Variants in AGAP1 observed in about 807,000 individuals in gnomAD.
AGAP1 encodes arf-GAP with GTPase, ANK repeat and PH domain-containing protein 1.
In AGAP1, 29 loss-of-function variants were observed where a neutral mutation model predicts 105.3. That is an observed-to-expected ratio of 0.28 (90% CI 0.21 to 0.38). AGAP1 has a LOEUF of 0.38. Among genes scored for constraint, AGAP1 ranks in the 10% least tolerant of loss-of-function variants. The pLI, the probability that AGAP1 is intolerant of heterozygous loss-of-function variation, is 1.00. For missense variants in AGAP1, 998 were observed against 1,165.1 expected, an observed-to-expected ratio of 0.86 and a Z score of 2.09; for synonymous variants, 509 against 485.9, an observed-to-expected ratio of 1.05 and a Z score of -0.63.
At position 235,977,399 on chromosome 2, in the gene AGAP1, G is replaced by A. The variant is rs1458432308; in HGVS notation, c.1645+8776G>A. 6.6e-6 allele frequency among the ~76,000 whole-genome samples: 1 copy of A among 152,096 alleles called. No individual in the cohort carries two copies. The highest frequency in any genetic ancestry group is 2.4e-5 in the African/African-American group (1 of 41,410). ...TAGCGGCCAGTGCTGTTCAACTTGT[G>A]TCTTCCTTACTATTCTAAATCCTCA... On this transcript the variant is annotated intron_variant, in intron 13 of 17. Coordinates refer to ENST00000304032, the MANE Select transcript of AGAP1 (RefSeq NM_001037131.3). This position sits in a 1 kb window ranked among gnomAD's most constrained non-coding sequence, Gnocchi z 5.2.
At chr2:235,949,773 G>T (rs979600129) in intron 12 of AGAP1, among the ~76,000 whole-genome samples, 1 of 152,140 alleles carries the variant, frequency 6.6e-6, no homozygotes, top group African/African-American at 2.4e-5. Flanking sequence ...AGCTACCCCA[G>T]CCACGCCGCA....
chr2:235,537,013 T>A (rs1425172202), intron 1 of AGAP1, among the ~76,000 whole-genome samples: 1 of 152,146 alleles, frequency 6.6e-6, no homozygotes, highest in East Asian at 1.9e-4. Flanking sequence ...CATTCCTCCC[T>A]AGTGAGGCAG....
At chr2:235,853,838 G>A (rs956418316) in intron 9 of AGAP1, among the ~76,000 whole-genome samples, 9 of 152,006 alleles carry the variant, frequency 5.9e-5, no homozygotes, top group Non-Finnish European at 1.3e-4. Context: ...TTGGTTTTAA[G>A]TGTAGGCTAT....
At chr2:235,496,683 C>G (rs138012707) in intron 1 of AGAP1, among the ~76,000 whole-genome samples, 1,538 of 152,226 alleles carry the variant, frequency 0.01, 8 homozygotes, top group Non-Finnish European at 0.014. Context: ...AAGCTGAGCT[C>G]TGGGGCTCAA....
At chr2:235,591,907 C>A (rs1206086887) in intron 1 of AGAP1, among the ~76,000 whole-genome samples, 1 of 148,758 alleles carries the variant, frequency 6.7e-6, no homozygotes, top group South Asian at 2.2e-4. Flanking sequence ...CATGCCTGCT[C>A]CCCCTTCGTC....
intron 16 of AGAP1, among the ~76,000 whole-genome samples, chr2:236,094,237 T>C (rs2059133266): frequency 1.3e-5 from 2 of 151,486 alleles, no homozygotes; most frequent in South Asian, 4.2e-4. Flanking sequence ...GGAGGATTGC[T>C]CGAGCCCAGG....
chr2:236,048,409 T>C (rs1026984572), intron 15 of AGAP1, among the ~76,000 whole-genome samples: 1 of 152,224 alleles, frequency 6.6e-6, no homozygotes, highest in African/African-American at 2.4e-5. Flanking sequence ...CAAGTCAGCG[T>C]TGGTTGCGCT....
At chr2:235,675,270 A>C (rs1347599788) in intron 1 of AGAP1, among the ~76,000 whole-genome samples, 1 of 150,266 alleles carries the variant, frequency 6.7e-6, no homozygotes, top group Non-Finnish European at 1.5e-5. Context: ...GCTCACTGCA[A>C]CCTCTGCCTC....
intron 16 of AGAP1, among the ~76,000 whole-genome samples, chr2:236,108,559 T>C (rs930106844): frequency 1.3e-5 from 2 of 152,196 alleles, no homozygotes; most frequent in Non-Finnish European, 2.9e-5. Flanking sequence ...AAGGAAAGAC[T>C]GTGACAAGTG....
Position 235,931,002 on chromosome 2 carries a change from C to A in AGAP1, c.1483+79C>A. 6.6e-7 allele frequency: 1 copy of A among 1,507,870 alleles called. No individual in the cohort carries two copies. The highest frequency in any genetic ancestry group is 8.9e-7 in the Non-Finnish European group (1 of 1,121,808). The allele number at this position is 1,507,870 out of a possible 1,614,324, so 93.4% of individuals were successfully genotyped here. ...TAAGCCAGGGGCTGGACAGGACGCC[C>A]TAAGCTCTCATGCTCCTCTGGGAGC... On this transcript the variant is annotated intron_variant, in intron 12 of 17. Transcript: ENST00000304032. This position sits in a 1 kb window ranked among gnomAD's most constrained non-coding sequence, Gnocchi z 5.6.
chr2:235,843,812 G>C lies in AGAP1; in HGVS notation c.1050+36481G>C, dbSNP rs1175572216. Among the ~76,000 whole-genome samples the C allele has an allele frequency of 6.6e-6, 1 of 152,186 alleles. No individual in the cohort carries two copies. The highest frequency in any genetic ancestry group is 1.5e-5 in the Non-Finnish European group (1 of 68,036). On this transcript the variant is annotated intron_variant, in intron 9 of 17. Transcript: ENST00000304032. This position sits in a 1 kb window ranked among gnomAD's most constrained non-coding sequence, Gnocchi z 5.9. ...GCTGGGGTGCCAGTGGCCACCATCGGGAGTCACTGCCACATTTTCTTTTCC... is the reference window on the plus strand; with the variant it reads ...GCTGGGGTGCCAGTGGCCACCATCGCGAGTCACTGCCACATTTTCTTTTCC...
chr2:236,122,926 G>A (rs558869528), intron 17 of AGAP1, among the ~76,000 whole-genome samples: 7 of 152,134 alleles, frequency 4.6e-5, no homozygotes, highest in East Asian at 3.9e-4. Context: ...CTTGTGATCC[G>A]CCCTCCTCGG....
rs562270946 is a variant in AGAP1 at position 236,120,370 on chromosome 2, G to A, written c.2293G>A (p.Gly765Arg). The A allele has an allele frequency of 4.2e-5, 68 of 1,611,720 alleles. No homozygotes were observed. Among genetic ancestry groups the A allele is most frequent in the South Asian group, 4.2e-4 (38 of 90,998 alleles). ...CCGGGACGAGGTGAACGAGACCTGC[G>A]GGGAGGGAGACGGCCGCACGGCGCT... is the stretch of plus-strand genomic sequence containing the variant. ...GSRDEVNETCGEGDGRTALHL... is the reference protein window; with the variant it reads ...GSRDEVNETCREGDGRTALHL... The change falls in exon 17 of 18, where the codon GGG (glycine) becomes AGG (arginine). Residue 765 changes from glycine (G) to arginine (R), a missense_variant. By Grantham distance (125) the Gly-to-Arg change is moderately radical (BLOSUM62 -2). Coordinates refer to ENST00000304032, the MANE Select transcript of AGAP1 (RefSeq NM_001037131.3). The surrounding 1 kb of genome is among the most constrained non-coding windows in gnomAD (Gnocchi z 6.0).
At chr2:235,778,734 G>A (rs1027755281) in intron 6 of AGAP1, among the ~76,000 whole-genome samples, 4 of 152,258 alleles carry the variant, frequency 2.6e-5, no homozygotes. Context: ...GTAGGACTCA[G>A]CATGGCCTGG....
chr2:235,661,210 G>A (rs1057008753), intron 1 of AGAP1, among the ~76,000 whole-genome samples: 6 of 152,134 alleles, frequency 3.9e-5, no homozygotes, highest in Admixed American at 1.3e-4. Context: ...AGACAGATAC[G>A]CAGGTGGGGA....
At chr2:236,049,321 C>G in intron 16 of AGAP1, 40 bp downstream of exon 16, 1 of 1,578,042 alleles carries the variant, frequency 6.3e-7, no homozygotes, top group Non-Finnish European at 8.7e-7. Context: ...GACACGTTTG[C>G]CAACAGTTAG....
Position 235,566,613 on chromosome 2 carries a change from T to C in AGAP1, c.163+71764T>C. On this transcript the variant is annotated intron_variant, in intron 1 of 17. Coordinates refer to ENST00000304032, the MANE Select transcript of AGAP1 (RefSeq NM_001037131.3). This position sits in a 1 kb window ranked among gnomAD's most constrained non-coding sequence, Gnocchi z 5.2. The stretch of plus-strand genomic sequence containing the variant: ...TGAGTGGGCAGGTCTGTCTCCTGCC[T>C]CTCTTATTTATGTTGTATGCCTGAC... 2.0e-6 allele frequency: 2 copies of C among 984,514 alleles called. No homozygotes were observed. Among genetic ancestry groups the C allele is most frequent in the Non-Finnish European group, 1.2e-6 (1 of 829,170 alleles). 61.0% of individuals were successfully genotyped at this position (984,514 alleles called of 1,614,324 possible). A position where few individuals can be genotyped will look rare whatever the true frequency, so the allele number is the denominator to read the frequency against.
chr2:235,619,038 G>A (rs529085321), intron 1 of AGAP1, among the ~76,000 whole-genome samples: 1 of 152,154 alleles, frequency 6.6e-6, no homozygotes, highest in Admixed American at 6.5e-5. Context: ...GCCAAGGAAT[G>A]GGGGAGAGCG....
intron 9 of AGAP1, among the ~76,000 whole-genome samples, chr2:235,844,235 G>A (rs965355058): frequency 2.6e-5 from 4 of 152,254 alleles, no homozygotes; most frequent in East Asian, 3.9e-4. Flanking sequence ...TCTAAACAAC[G>A]AATTAAAATG....
Sources: gnomAD v4.1 joint callset for allele counts (sites outside exome capture counted in the v4.1 genomes callset) on GRCh38, gnomAD v4.1.1 for gene constraint, Gnocchi (gnomAD v3.1) non-coding constraint, MANE v1.5 for transcripts, NCBI Gene and HGNC (gene_info 2026-07-23, HGNC 2026-07-21) for gene names.